MTDH: variants seen among roughly 807,000 people sequenced by gnomAD.
MTDH encodes the protein metadherin.
Under a neutral mutation model 72.7 loss-of-function variants are expected in MTDH, and 34 were observed. The observed-to-expected ratio is 0.47, with a 90% CI of 0.36 to 0.62. The LOEUF is 0.62. Among genes scored for constraint, MTDH ranks in the 20% least tolerant of loss-of-function variants. The pLI is 0.00. For synonymous variants in MTDH, 266 were observed against 268.9 expected (o/e 0.99, Z 0.10); for missense variants, 677 against 699.4 (o/e 0.97, Z 0.36).
At chr8:97,663,531 G>A (rs372148197) in intron 2 of MTDH, among the ~76,000 whole-genome samples, 2 of 151,532 alleles carry the variant, frequency 1.3e-5, no homozygotes, top group African/African-American at 2.4e-5. Context: ...GGCAGATCAC[G>A]AGGTCAGGAG....
At chr8:97,659,058 G>A (rs375718187) in intron 1 of MTDH, among the ~76,000 whole-genome samples, 16 of 151,888 alleles carry the variant, frequency 1.1e-4, no homozygotes, top group Non-Finnish European at 2.2e-4. Flanking sequence ...CAGGAGAATC[G>A]CTTGAATCCA....
At chr8:97,696,482 C>G (rs1035836209) in intron 6 of MTDH, among the ~76,000 whole-genome samples, 2 of 152,334 alleles carry the variant, frequency 1.3e-5, no homozygotes, top group Middle Eastern at 3.4e-3. Flanking sequence ...TAATTCCCCT[C>G]TCTAGGGGAG....
At chr8:97,683,326 G>C (rs1039858359) in intron 2 of MTDH, among the ~76,000 whole-genome samples, 3 of 151,632 alleles carry the variant, frequency 2.0e-5, no homozygotes, top group African/African-American at 7.3e-5. Context: ...GCCTCCCAAA[G>C]TGCTGGGGTT....
At chr8:97,678,594 C>CTTTGT (rs1812947723) in intron 2 of MTDH, among the ~76,000 whole-genome samples, 1 of 85,312 alleles carries the variant, frequency 1.2e-5, no homozygotes, top group Non-Finnish European at 2.1e-5. Flanking sequence ...TTCCTTCCTT[C>CTTTGT]TTTTTTTTTT....
intron 8 of MTDH, among the ~76,000 whole-genome samples, chr8:97,707,984 T>C (rs1019077587): frequency 1.3e-5 from 2 of 152,074 alleles, no homozygotes; most frequent in African/African-American, 4.8e-5. Context: ...TCTTTTTCTT[T>C]TTGAGATGGA....
At chr8:97,713,796 A>G (rs1814731993) in intron 9 of MTDH, 27 bp downstream of exon 9, 6 of 1,357,536 alleles carry the variant, frequency 4.4e-6, no homozygotes, top group Non-Finnish European at 6.1e-6. Flanking sequence ...ACAAGCATTC[A>G]TTAAGCGCCT....
At chr8:97,670,737 T>G (rs1586223355) in intron 2 of MTDH, among the ~76,000 whole-genome samples, 2 of 152,192 alleles carry the variant, frequency 1.3e-5, no homozygotes, top group South Asian at 4.1e-4. Flanking sequence ...AACATCTGCT[T>G]CTCAGGAGGC....
At chr8:97,657,240 A>G (rs951622430) in intron 1 of MTDH, among the ~76,000 whole-genome samples, 1 of 152,252 alleles carries the variant, frequency 6.6e-6, no homozygotes, top group Admixed American at 6.5e-5. Context: ...GAGTTTATCC[A>G]TCAAAATAAA....
chr8:97,720,056 GT>G (rs1208970233), intron 10 of MTDH, among the ~76,000 whole-genome samples: 1 of 152,190 alleles, frequency 6.6e-6, no homozygotes, highest in Non-Finnish European at 1.5e-5. Flanking sequence ...GGAGGCCAAG[GT>G]GGGTGGATCA....
rs1815456869 is a variant in MTDH, at chr8:97,728,933, A to ATAGGGTCTCACTC, written c.*4265_*4277dup. Among the ~76,000 whole-genome samples, 1 of 144,190 alleles carries ATAGGGTCTCACTC rather than the reference A, an allele frequency of 6.9e-6. No homozygotes were observed. The highest frequency in any genetic ancestry group is 1.5e-5 in the Non-Finnish European group (1 of 66,670). The allele number at this position is 144,190 out of a possible 152,430, so 94.6% of individuals were successfully genotyped here. A position where few individuals can be genotyped will look rare whatever the true frequency, so the allele number is the denominator to read the frequency against. ...CTTTTTTTTTTTTTCTTTTAATGAG[A>ATAGGGTCTCACTC]TAGGGTCTCACTCTGTTGCCCAGGC... On this transcript the variant is annotated 3_prime_UTR_variant, in exon 12 of 12. Coordinates refer to ENST00000336273, the MANE Select transcript of MTDH (RefSeq NM_178812.4).
At chr8:97,723,841 C>T (rs1815243427) in intron 11 of MTDH, among the ~76,000 whole-genome samples, 2 of 152,214 alleles carry the variant, frequency 1.3e-5, no homozygotes, top group Admixed American at 6.5e-5. Context: ...GGTGCCGTGC[C>T]TCACACCTGT....
intron 1 of MTDH, among the ~76,000 whole-genome samples, chr8:97,658,027 T>C (rs1812046031): frequency 1.3e-5 from 2 of 152,182 alleles, no homozygotes; most frequent in Non-Finnish European, 2.9e-5. Flanking sequence ...CTCTGCTGTA[T>C]GAAGGAGAAT....
chr8:97,644,914 G>C (rs1811505748), intron 1 of MTDH, 27 bp downstream of exon 1: 1 of 1,511,248 alleles, frequency 6.6e-7, no homozygotes. Context: ...CGGCAGTAGA[G>C]AACGGGCGAA....
chr8:97,698,046 TATAG>T (rs1321922218), intron 6 of MTDH, among the ~76,000 whole-genome samples: 1 of 152,100 alleles, frequency 6.6e-6, no homozygotes, highest in East Asian at 1.9e-4. Context: ...TAAACATACA[TATAG>T]AGAGAGTATA....
At chr8:97,700,958 T>C (rs1039123402) in intron 7 of MTDH, among the ~76,000 whole-genome samples, 2 of 152,102 alleles carry the variant, frequency 1.3e-5, no homozygotes, top group African/African-American at 4.8e-5. Flanking sequence ...GGGAGGACCA[T>C]ATTGTGAAAT....
In MTDH at chr8:97,725,408, A is replaced by T. The variant is rs1815315840; in HGVS notation, c.*738A>T. Reference sequence around the variant, plus strand: ...TTTTATACATTTAAGGCTTAGACTCATAAATAATGCTATTGTTTATGATTT... The same window carrying T: ...TTTTATACATTTAAGGCTTAGACTCTTAAATAATGCTATTGTTTATGATTT... On this transcript the variant is annotated 3_prime_UTR_variant, in exon 12 of 12. Coordinates refer to ENST00000336273, the MANE Select transcript of MTDH (RefSeq NM_178812.4). The T allele has an allele frequency of 6.6e-6, 1 of 152,588 alleles. No homozygotes were observed. The highest frequency in any genetic ancestry group is 2.4e-5 in the African/African-American group (1 of 41,476). 9.5% of individuals were successfully genotyped at this position (152,588 alleles called of 1,614,324 possible).
At chr8:97,695,200 C>G (rs187732859) in intron 6 of MTDH, among the ~76,000 whole-genome samples, 1 of 151,486 alleles carries the variant, frequency 6.6e-6, no homozygotes, top group Non-Finnish European at 1.5e-5. Flanking sequence ...CCTCACCTCC[C>G]GGGTCCCAGT....
intron 2 of MTDH, among the ~76,000 whole-genome samples, chr8:97,682,171 T>C (rs190563385): frequency 1.4e-5 from 2 of 142,140 alleles, no homozygotes; most frequent in East Asian, 4.1e-4. Flanking sequence ...TATTTTAAAG[T>C]TTTTCATAAG....
chr8:97,699,729 T>G (rs1467223608), intron 6 of MTDH, 25 bp from the exon 7 acceptor site: 2 of 1,437,652 alleles, frequency 1.4e-6, no homozygotes, highest in East Asian at 4.6e-5. Context: ...ATTTTTAATT[T>G]TATTGCATTC....
Sources: allele counts gnomAD v4.1 joint callset (sites outside exome capture counted in the v4.1 genomes callset), GRCh38; gene constraint gnomAD v4.1.1; transcripts MANE v1.5; gene names NCBI Gene and HGNC (gene_info 2026-07-23, HGNC 2026-07-21).